Variants in CPB2 observed in about 807,000 individuals in gnomAD.
CPB2 encodes carboxypeptidase B-like protein.
In CPB2, 54 loss-of-function variants were observed where a neutral mutation model predicts 57.0. The ratio of observed to expected loss-of-function variants is 0.95; its 90% confidence interval spans 0.76 to 1.19. The LOEUF is 1.19. Ranked by LOEUF, CPB2 falls within the 50% of genes most tolerant of loss-of-function variation. The probability of loss-of-function intolerance (pLI) is 0.00; values close to 1 mark genes in which losing one functional copy is unlikely to be tolerated. For synonymous variants in CPB2, 189 were observed against 178.1 expected (o/e 1.06, Z -0.49); for missense variants, 426 against 512.0 (o/e 0.83, Z 1.62).
intron 7 of CPB2, among the ~76,000 whole-genome samples, chr13:46,067,101 T>C: frequency 6.6e-6 from 1 of 152,114 alleles, no homozygotes; most frequent in East Asian, 1.9e-4. Flanking sequence ...GAGTTAATTA[T>C]TGTTGAAGCT....
At chr13:46,073,041 A>C (rs566545516) in intron 6 of CPB2, among the ~76,000 whole-genome samples, 47 of 152,324 alleles carry the variant, frequency 3.1e-4, no homozygotes, top group Middle Eastern at 3.4e-3. Context: ...GAATGAAGGC[A>C]AATAGGGATG....
chr13:46,087,264 C>G (rs2045223872), intron 2 of CPB2, among the ~76,000 whole-genome samples: 1 of 152,234 alleles, frequency 6.6e-6, no homozygotes, highest in Admixed American at 6.5e-5. Flanking sequence ...GTGGAGCACA[C>G]AGCCCCAGCC....
At chr13:46,085,189 A>G (rs1282833124) in intron 2 of CPB2, among the ~76,000 whole-genome samples, 1 of 152,210 alleles carries the variant, frequency 6.6e-6, no homozygotes, top group Admixed American at 6.5e-5. Context: ...TGATATTTAT[A>G]ACGCTTTGAT....
chr13:46,093,406 T>C (rs1293739170), intron 1 of CPB2, among the ~76,000 whole-genome samples: 1 of 152,238 alleles, frequency 6.6e-6, no homozygotes, highest in Admixed American at 6.5e-5. Flanking sequence ...AAGATACATG[T>C]TCAAGGATGT....
At chr13:46,055,450 A>G (rs1566394366) in intron 10 of CPB2, among the ~76,000 whole-genome samples, 1 of 152,214 alleles carries the variant, frequency 6.6e-6, no homozygotes, top group Non-Finnish European at 1.5e-5. Context: ...TGGCCCTGGG[A>G]ATCATGCAAA....
At chr13:46,069,408 G>A (rs1004260253) in intron 6 of CPB2, among the ~76,000 whole-genome samples, 15 of 152,130 alleles carry the variant, frequency 9.9e-5, no homozygotes, top group Non-Finnish European at 2.2e-4. Flanking sequence ...TATTCATAGA[G>A]TTTTGCAACC....
At chr13:46,071,406 A>G (rs989596672) in intron 6 of CPB2, among the ~76,000 whole-genome samples, 1 of 152,172 alleles carries the variant, frequency 6.6e-6, no homozygotes, top group Non-Finnish European at 1.5e-5. Context: ...TTCTGGGTCT[A>G]AGGATCAGCA....
At chr13:46,079,535 CAAAAAAAAA>C (rs58164990) in intron 4 of CPB2, among the ~76,000 whole-genome samples, 8 of 110,986 alleles carry the variant, frequency 7.2e-5, no homozygotes, top group East Asian at 2.7e-4. Flanking sequence ...AAGGAAAAAG[CAAAAAAAAA>C]AAAAAAAAAA....
chr13:46,102,071 A>G (rs2045441162), intron 1 of CPB2, among the ~76,000 whole-genome samples: 1 of 152,244 alleles, frequency 6.6e-6, no homozygotes, highest in African/African-American at 2.4e-5. Context: ...CATCAGTAGG[A>G]ACAAAGTGAA....
chr13:46,059,660 A>C (rs888735866), intron 8 of CPB2, among the ~76,000 whole-genome samples: 3 of 152,084 alleles, frequency 2.0e-5, no homozygotes, highest in Admixed American at 6.5e-5. Context: ...TGCATCACAG[A>C]GATGAGAAGG....
intron 5 of CPB2, among the ~76,000 whole-genome samples, chr13:46,075,682 G>C (rs2045011809): frequency 6.6e-6 from 1 of 152,118 alleles, no homozygotes; most frequent in South Asian, 2.1e-4. Flanking sequence ...CTAACCCAAA[G>C]TCTTATCTTT....
chr13:46,053,925 T>C, intron 10 of CPB2, 127 bp from the exon 11 acceptor site: 1 of 840,044 alleles, frequency 1.2e-6, no homozygotes, highest in Non-Finnish European at 1.8e-6. Flanking sequence ...TTAACTAATA[T>C]AAACAACTTT....
chr13:46,060,373 A>G (rs1447197175), intron 8 of CPB2, among the ~76,000 whole-genome samples: 1 of 151,682 alleles, frequency 6.6e-6, no homozygotes, highest in Non-Finnish European at 1.5e-5. Context: ...GAGGCACGAA[A>G]CTTGCTTGAA....
chr13:46,078,940 G>A, intron 4 of CPB2, 39 bp from the exon 5 acceptor site: 1 of 1,301,548 alleles, frequency 7.7e-7, no homozygotes, highest in Non-Finnish European at 1.1e-6. Context: ...ACGAAGCCAA[G>A]TTCAAAGCAT....
chr13:46,067,612 C>T (rs866956280), intron 6 of CPB2, among the ~76,000 whole-genome samples, 195 bp from the exon 7 acceptor site: 1 of 151,968 alleles, frequency 6.6e-6, no homozygotes, highest in African/African-American at 2.4e-5. Context: ...ACACGTGGTC[C>T]AGTATTCCTA....
At chr13:46,058,643 C>T (rs147157270) in intron 8 of CPB2, among the ~76,000 whole-genome samples, 1 of 152,280 alleles carries the variant, frequency 6.6e-6, no homozygotes, top group African/African-American at 2.4e-5. Context: ...CTAAGAGATC[C>T]TCAGAGATGC....
At chr13:46,065,519 C>A (rs1232345850) in intron 7 of CPB2, among the ~76,000 whole-genome samples, 1 of 148,812 alleles carries the variant, frequency 6.7e-6, no homozygotes, top group African/African-American at 2.5e-5. Context: ...CCCAGCTACT[C>A]GGGAGGCTGA....
At chr13:46,098,158 C>G (rs568754739) in intron 1 of CPB2, among the ~76,000 whole-genome samples, 161 of 152,232 alleles carry the variant, frequency 1.1e-3, no homozygotes, top group Middle Eastern at 3.4e-3. Context: ...ATTGCAGCAG[C>G]CATGGCCCAA....
rs2045160909 is a variant in CPB2 at position 46,084,084 on chromosome 13, T to G, written c.275+135A>C. On this transcript the variant is annotated intron_variant, in intron 3 of 10. Coordinates refer to ENST00000181383, the MANE Select transcript of CPB2 (RefSeq NM_001872.5). The stretch of plus-strand genomic sequence containing the variant: ...ACCTTAGGCTTTATCACCAGTCCAT[T>G]TGGTCCAGTCAGAGACTTCTATGCT... The G allele has an allele frequency of 1.9e-5, 20 of 1,048,628 alleles. No individual in the cohort carries two copies. In the South Asian group the frequency reaches 3.2e-4, roughly 17 times the overall value. 65.0% of individuals were successfully genotyped at this position (1,048,628 alleles called of 1,614,324 possible). A position where few individuals can be genotyped will look rare whatever the true frequency, so the allele number is the denominator to read the frequency against.
Sources: allele counts gnomAD v4.1 joint callset (sites outside exome capture counted in the v4.1 genomes callset), GRCh38; gene constraint gnomAD v4.1.1; transcripts MANE v1.5; gene names NCBI Gene and HGNC (gene_info 2026-07-23, HGNC 2026-07-21).